Variants in PTPN13 observed in about 807,000 individuals in gnomAD.
PTPN13 encodes the protein protein tyrosine phosphatase non-receptor type 13.
A neutral mutation model predicts 284.0 loss-of-function variants in PTPN13; 191 were observed. That is an observed-to-expected ratio of 0.67 (90% CI 0.60 to 0.76). The LOEUF (loss-of-function observed/expected upper bound fraction) is 0.76. Ranked by LOEUF, PTPN13 falls within the 30% of genes least tolerant of loss-of-function variation. The pLI is 0.00. For missense variants in PTPN13, 2,797 were observed against 2,939.9 expected (o/e 0.95, Z 1.12); for synonymous variants, 986 against 1,022.3 (o/e 0.96, Z 0.68).
rs1220016724 is a variant in PTPN13 at position 86,693,650 on chromosome 4, T to C, written c.610T>C (p.Leu204=). 2 of 1,554,686 alleles carry C rather than the reference T, an allele frequency of 1.3e-6. No homozygotes were observed. Among genetic ancestry groups the C allele is most frequent in the Admixed American group, 1.9e-5 (1 of 52,136 alleles). The change falls in exon 6 of 48, where the codon TTG becomes CTG. Residue 204 remains leucine (L), a synonymous_variant. Transcript: ENST00000411767. The part of the protein sequence containing the change: ...PDRSQAIRDR[L]RGKGLPTGRS... Reference sequence around the variant, plus strand: ...TCGAAGCCAGGCTATTCGAGATCGATTGCGAGGAAAAGGATTACCAACAGG... The same window carrying C: ...TCGAAGCCAGGCTATTCGAGATCGACTGCGAGGAAAAGGATTACCAACAGG...
rs1019725299 is a variant in PTPN13 at position 86,750,906 on chromosome 4, A to G, written c.3068+19A>G. The G allele has an allele frequency of 2.5e-6, 4 of 1,597,830 alleles. No individual in the cohort carries two copies. The African/African-American group carries it at 5.4e-5, about 22-fold the overall frequency. On this transcript the variant is annotated intron_variant, in intron 18 of 47. Transcript: ENST00000411767. ...TTAATAAGTAAGAACATATTAACTA[A>G]CCCAATTACATATTTGTAAATTCTA... is the stretch of plus-strand genomic sequence containing the variant.
At chr4:86,768,350 C>A (rs1032706482) in intron 28 of PTPN13, among the ~76,000 whole-genome samples, 1 of 152,122 alleles carries the variant, frequency 6.6e-6, no homozygotes, top group Non-Finnish European at 1.5e-5. Flanking sequence ...ATTTTAAGAA[C>A]TGTGAATCAA....
rs1055065642 is a variant in PTPN13, at chr4:86,770,178, G to A, written c.4782G>A (p.Pro1594=). The change falls in exon 30 of 48, where the codon CCG becomes CCA. Residue 1594 remains proline, a synonymous_variant. Transcript: ENST00000411767. The stretch of plus-strand genomic sequence containing the variant: ...GCAGACCTCCACCTGGTGTGCTACC[G>A]GAAATTGATACTGCGCTTTTGGTGA... ...LLCRPPPGVL[P]EIDTALLTPL... The A allele has an allele frequency of 6.8e-6, 11 of 1,613,442 alleles. No homozygotes were observed. Among genetic ancestry groups the A allele is most frequent in the Admixed American group, 3.3e-5 (2 of 59,962 alleles).
At chr4:86,782,379 T>C in intron 37 of PTPN13, 117 bp downstream of exon 37, 1 of 970,750 alleles carries the variant, frequency 1.0e-6, no homozygotes, top group Non-Finnish European at 1.6e-6. Context: ...GATATTCATA[T>C]TAATAGTAAG....
chr4:86,807,869 T>A lies in PTPN13; in HGVS notation c.7055T>A (p.Val2352Glu). ...ATGCAGCAGCTGAAGGGCTTTGTGGTGAGGGCAATGACCCTTGAAGATATT... is the reference window on the plus strand; with the variant it reads ...ATGCAGCAGCTGAAGGGCTTTGTGGAGAGGGCAATGACCCTTGAAGATATT... ...VRMQQLKGFVVRAMTLEDIQT... is the reference protein window; with the variant it reads ...VRMQQLKGFVERAMTLEDIQT... The change falls in exon 45 of 48, where the codon GTG (valine) becomes GAG (glutamate). Residue 2352 changes from valine (V) to glutamate (E), a missense_variant. Physicochemically the swap from Val to Glu is moderately radical, Grantham distance 121. Coordinates refer to ENST00000411767, the MANE Select transcript of PTPN13 (RefSeq NM_080683.3). The A allele has an allele frequency of 6.2e-7, 1 of 1,613,636 alleles. No individual in the cohort carries two copies. The highest frequency in any genetic ancestry group is 8.5e-7 in the Non-Finnish European group (1 of 1,179,672).
chr4:86,712,634 G>A (rs953536548), intron 7 of PTPN13, among the ~76,000 whole-genome samples: 8 of 152,058 alleles, frequency 5.3e-5, no homozygotes, highest in Non-Finnish European at 1.2e-4. Context: ...GGTAGGCAAA[G>A]CAAGTTATCC....
intron 2 of PTPN13, among the ~76,000 whole-genome samples, chr4:86,652,627 A>G (rs573833687): frequency 6.6e-6 from 1 of 152,312 alleles, no homozygotes; most frequent in South Asian, 2.1e-4. Flanking sequence ...TTCTGCTGTC[A>G]GAAATGTCAG....
At chr4:86,637,247 G>C (rs1723133427) in intron 2 of PTPN13, among the ~76,000 whole-genome samples, 1 of 151,686 alleles carries the variant, frequency 6.6e-6, no homozygotes, top group Non-Finnish European at 1.5e-5. Flanking sequence ...TTCTACCAGA[G>C]GTACAAGGAG....
At chr4:86,680,795 AT>A (rs1446494570) in intron 3 of PTPN13, among the ~76,000 whole-genome samples, 11 of 152,216 alleles carry the variant, frequency 7.2e-5, no homozygotes. Flanking sequence ...GCCAGTGATT[AT>A]TAGACAGATC....
intron 13 of PTPN13, 114 bp from the exon 14 acceptor site, chr4:86,734,623 T>C: frequency 2.3e-6 from 3 of 1,329,446 alleles, no homozygotes; most frequent in Non-Finnish European, 2.0e-6. Context: ...CTTAAAAGCT[T>C]AATAATAAGC....
At chr4:86,661,046 G>A in intron 2 of PTPN13, 1 of 443,926 alleles carries the variant, frequency 2.3e-6, no homozygotes, top group Admixed American at 2.5e-5. Context: ...ATTCTTAATT[G>A]TACAGCCTGA....
chr4:86,791,605 C>T (rs558867426), intron 40 of PTPN13, among the ~76,000 whole-genome samples: 10 of 152,222 alleles, frequency 6.6e-5, no homozygotes, highest in Middle Eastern at 3.4e-3. Flanking sequence ...CAGGAGGGGC[C>T]GACAGACACC....
rs2230600 is a variant in PTPN13, at chr4:86,769,845, A to G, written c.4566A>G (p.Ile1522Met). The G allele has an allele frequency of 0.17, 277,844 of 1,613,134 alleles. 26,340 individuals carry two copies. Among genetic ancestry groups the G allele is most frequent in the East Asian group, 0.34 (15,378 of 44,862 alleles). ...GFSFSREDNL[I>M]PEQINASIVR... ...GTTTTTCTCGAGAAGATAATCTTATACCGGAGCAAATTAATGCCAGCATAG... is the reference window on the plus strand; with the variant it reads ...GTTTTTCTCGAGAAGATAATCTTATGCCGGAGCAAATTAATGCCAGCATAG... Residue 1522 changes from isoleucine (I) to methionine (M), a missense_variant, in exon 29 of 48, where the codon ATA becomes ATG. Ile to Met is a conservative substitution (Grantham distance 10, BLOSUM62 1). Coordinates refer to ENST00000411767, the MANE Select transcript of PTPN13 (RefSeq NM_080683.3).
At chr4:86,716,237 C>T (rs9997453) in intron 7 of PTPN13, among the ~76,000 whole-genome samples, 22,135 of 152,150 alleles carry the variant, frequency 0.15, 2,140 homozygotes, top group African/African-American at 0.27. Context: ...TATACCCCCT[C>T]TTTGGCTGAA....
rs193223319 is a variant in PTPN13 at position 86,650,363 on chromosome 4, G to A, written c.115+14992G>A. 3.4e-3 allele frequency among the ~76,000 whole-genome samples: 510 copies of A among 152,200 alleles called. 1 individual carries two copies. Among genetic ancestry groups the A allele is most frequent in the African/African-American group, 0.012 (493 of 41,516 alleles). On this transcript the variant is annotated intron_variant, in intron 2 of 47. Transcript: ENST00000411767. ...GTCTCACTCTGTCACCCAGGTTGGA[G>A]TGCAGTGGCACAATCATGGCTCACT...
Position 86,701,637 on chromosome 4 carries a change from A to G in PTPN13, c.1031A>G (p.Tyr344Cys). 6.2e-7 allele frequency: 1 copy of G among 1,613,946 alleles called. No homozygotes were observed. The change falls in exon 7 of 48, where the codon TAC becomes TGC. Residue 344 changes from tyrosine to cysteine, a missense_variant. By Grantham distance (194) the Tyr-to-Cys change is radical. Coordinates refer to ENST00000411767, the MANE Select transcript of PTPN13 (RefSeq NM_080683.3). ...STTPRKKEAR[Y>C]SDGSIALDIF... Reference sequence around the variant, plus strand: ...ACTCCTAGAAAAAAGGAGGCAAGATACTCAGATGGAAGTATAGCCTTGGAT... The same window carrying G: ...ACTCCTAGAAAAAAGGAGGCAAGATGCTCAGATGGAAGTATAGCCTTGGAT...
intron 2 of PTPN13, among the ~76,000 whole-genome samples, chr4:86,648,837 A>T (rs1238588634): frequency 6.6e-6 from 1 of 152,130 alleles, no homozygotes; most frequent in Admixed American, 6.5e-5. Flanking sequence ...AGTAATTTAC[A>T]TTCCCACCAA....
At chr4:86,727,112 C>T (rs1442346173) in intron 10 of PTPN13, among the ~76,000 whole-genome samples, 1 of 149,508 alleles carries the variant, frequency 6.7e-6, no homozygotes, top group African/African-American at 2.4e-5. Flanking sequence ...TGTTGAATTA[C>T]ATTTATTGAT....
At chr4:86,600,061 G>T (rs1032618203) in intron 1 of PTPN13, among the ~76,000 whole-genome samples, 1 of 152,106 alleles carries the variant, frequency 6.6e-6, no homozygotes, top group Non-Finnish European at 1.5e-5. Flanking sequence ...CAAATGATGT[G>T]ATTGAGCTTT....
Sources: gnomAD v4.1 joint callset for allele counts (sites outside exome capture counted in the v4.1 genomes callset) on GRCh38, gnomAD v4.1.1 for gene constraint, MANE v1.5 for transcripts, NCBI Gene and HGNC (gene_info 2026-07-23, HGNC 2026-07-21) for gene names.